PHLDB2: variants seen among roughly 807,000 people sequenced by gnomAD.
The protein encoded by PHLDB2 is pleckstrin homology-like domain family B member 2.
A neutral mutation model predicts 123.6 loss-of-function variants in PHLDB2; 71 were observed. The observed-to-expected ratio is 0.57, with a 90% CI of 0.47 to 0.70. The LOEUF is 0.70. Ranked by LOEUF, PHLDB2 falls within the 30% of genes least tolerant of loss-of-function variation. The probability of loss-of-function intolerance (pLI) is 0.00; values close to 1 mark genes in which losing one functional copy is unlikely to be tolerated. For synonymous variants in PHLDB2, 547 were observed against 541.6 expected, an observed-to-expected ratio of 1.01 and a Z score of -0.14; for missense variants, 1,446 against 1,519.5, an observed-to-expected ratio of 0.95 and a Z score of 0.80.
chr3:111,809,234 C>T (rs1376821524), intron 1 of PHLDB2, among the ~76,000 whole-genome samples: 2 of 152,180 alleles, frequency 1.3e-5, no homozygotes, highest in Non-Finnish European at 2.9e-5. Flanking sequence ...TCCTGGGAAA[C>T]TCACTAATGT....
At chr3:111,867,590 A>C (rs762998578) in intron 1 of PHLDB2, among the ~76,000 whole-genome samples, 10 of 152,062 alleles carry the variant, frequency 6.6e-5, no homozygotes, top group Admixed American at 1.3e-4. Flanking sequence ...TTACAATGTA[A>C]CTCTAAGAGT....
At chr3:111,780,399 A>AGAAGAAGAGGAAGAGGAAG (rs2060408116) in intron 1 of PHLDB2, among the ~76,000 whole-genome samples, 1 of 74,364 alleles carries the variant, frequency 1.3e-5, no homozygotes, top group African/African-American at 4.7e-5. Flanking sequence ...AAGAAGAAGA[A>AGAAGAAGAGGAAGAGGAAG]GAAGAAGAAG....
intron 2 of PHLDB2, among the ~76,000 whole-genome samples, chr3:111,852,462 A>G (rs907206346): frequency 1.3e-5 from 2 of 151,044 alleles, no homozygotes; most frequent in Non-Finnish European, 2.9e-5. Flanking sequence ...ATCTTTATGT[A>G]TAACATTAAG....
chr3:111,838,468 A>G (rs562867794), intron 1 of PHLDB2, among the ~76,000 whole-genome samples: 1 of 152,228 alleles, frequency 6.6e-6, no homozygotes, highest in African/African-American at 2.4e-5. Context: ...TTGATTTCCC[A>G]GAAATTCATC....
intron 1 of PHLDB2, among the ~76,000 whole-genome samples, chr3:111,838,451 A>G (rs1047622202): frequency 2.0e-5 from 3 of 152,216 alleles, no homozygotes; most frequent in African/African-American, 7.2e-5. Flanking sequence ...CCAATAATGT[A>G]TCTGGGTTGA....
At chr3:111,918,522 T>A (rs1487773519) in intron 3 of PHLDB2, among the ~76,000 whole-genome samples, 1 of 152,226 alleles carries the variant, frequency 6.6e-6, no homozygotes, top group Admixed American at 6.5e-5. Flanking sequence ...TTCCAACTTG[T>A]GTTGAGAAGG....
chr3:111,940,469 A>G lies in PHLDB2; in HGVS notation c.2287-66A>G, dbSNP rs902422054. 13 of 902,910 alleles carry G rather than the reference A, an allele frequency of 1.4e-5. No homozygotes were observed. In the South Asian group the frequency reaches 2.3e-4, roughly 16 times the overall value. The allele number at this position is 902,910 out of a possible 1,614,324, so 55.9% of individuals were successfully genotyped here. ...GTGAAAATTTTTTTCTCCCTTTTCT[A>G]GGACAGACTAGCAAACCTTTGAGTG... is the stretch of plus-strand genomic sequence containing the variant. On this transcript the variant is annotated intron_variant, in intron 7 of 17. Coordinates refer to ENST00000431670, the MANE Select transcript of PHLDB2 (RefSeq NM_001134438.2).
At chr3:111,832,004 GTGC>G (rs2063059664) in intron 1 of PHLDB2, among the ~76,000 whole-genome samples, 2 of 152,058 alleles carry the variant, frequency 1.3e-5, no homozygotes, top group African/African-American at 4.8e-5. Flanking sequence ...ATGATCTGTG[GTGC>G]TGCTTCCCAT....
chr3:111,947,020 G>C (rs998470802), intron 9 of PHLDB2, among the ~76,000 whole-genome samples: 1 of 152,208 alleles, frequency 6.6e-6, no homozygotes, highest in Non-Finnish European at 1.5e-5. Context: ...GTAAATAAAG[G>C]AAGGTGTCCG....
At chr3:111,849,048 A>C (rs554615467) in intron 2 of PHLDB2, among the ~76,000 whole-genome samples, 1 of 152,334 alleles carries the variant, frequency 6.6e-6, no homozygotes, top group South Asian at 2.1e-4. Flanking sequence ...GCCCGACTGT[A>C]TATGAAACTT....
At chr3:111,913,244 C>G (rs2067989332) in intron 2 of PHLDB2, 75 bp from the exon 3 acceptor site, 6 of 1,461,066 alleles carry the variant, frequency 4.1e-6, no homozygotes, top group Non-Finnish European at 5.5e-6. Context: ...TTGTCCCAGC[C>G]TCTTCAGTCT....
chr3:111,872,526 G>A (rs905911303), intron 1 of PHLDB2, among the ~76,000 whole-genome samples: 6 of 152,074 alleles, frequency 3.9e-5, no homozygotes, highest in Non-Finnish European at 8.8e-5. Flanking sequence ...TCTCTGATGT[G>A]TGCAATCACG....
At chr3:111,958,401 C>G in intron 12 of PHLDB2, 1 of 695,120 alleles carries the variant, frequency 1.4e-6, no homozygotes, top group Non-Finnish European at 1.8e-6. Context: ...GCCCAGATAG[C>G]CATGTAAAAG....
chr3:111,953,969 G>T lies in PHLDB2; in HGVS notation c.2812G>T (p.Val938Leu). The T allele has an allele frequency of 6.2e-7, 1 of 1,613,714 alleles. No individual in the cohort carries two copies. Among genetic ancestry groups the T allele is most frequent in the Non-Finnish European group, 8.5e-7 (1 of 1,179,818 alleles). ...PLGQSNSCGSVLPPSLAAMAK... is the reference protein window; with the variant it reads ...PLGQSNSCGSLLPPSLAAMAK... ...AGGACAGAGTAACAGCTGTGGAAGT[G>T]TGCTCCCTCCCTCACTGGCAGCCAT... The change falls in exon 12 of 18, where the codon GTG becomes TTG. Residue 938 changes from valine to leucine, a missense_variant. Transcript: ENST00000431670.
chr3:111,917,564 G>A (rs1051173945), intron 3 of PHLDB2: 1 of 152,134 alleles, frequency 6.6e-6, no homozygotes, highest in African/African-American at 2.4e-5. Flanking sequence ...TTAGTATTAG[G>A]ACAATGAGCT....
intron 1 of PHLDB2, among the ~76,000 whole-genome samples, chr3:111,870,184 G>C (rs1355160128): frequency 6.6e-6 from 1 of 152,184 alleles, no homozygotes; most frequent in Admixed American, 6.5e-5. Flanking sequence ...ACAGTGGGAA[G>C]GTCCAGGGTT....
chr3:111,901,182 A>G (rs7621473), intron 2 of PHLDB2, among the ~76,000 whole-genome samples: 70,363 of 150,996 alleles, frequency 0.47, 17,314 homozygotes, highest in East Asian at 0.66. Context: ...ACACGGTGAA[A>G]CCCCATCTCT....
intron 1 of PHLDB2, among the ~76,000 whole-genome samples, chr3:111,808,022 T>C (rs1477110091): frequency 2.7e-5 from 4 of 149,824 alleles, no homozygotes; most frequent in African/African-American, 9.9e-5. Context: ...TAGAGTCACC[T>C]GGGGAGTGTT....
At chr3:111,795,747 C>G (rs577038910) in intron 1 of PHLDB2, among the ~76,000 whole-genome samples, 1 of 151,964 alleles carries the variant, frequency 6.6e-6, no homozygotes, top group Non-Finnish European at 1.5e-5. Context: ...GTTTTTGAGA[C>G]GGAGTCTTGC....
Sources: gnomAD v4.1 joint callset for allele counts (sites outside exome capture counted in the v4.1 genomes callset) on GRCh38, gnomAD v4.1.1 for gene constraint, MANE v1.5 for transcripts, NCBI Gene and HGNC (gene_info 2026-07-23, HGNC 2026-07-21) for gene names.